VPS13B: variants seen among roughly 807,000 people sequenced by gnomAD.
VPS13B encodes the protein intermembrane lipid transfer protein VPS13B.
Under a neutral mutation model 426.4 loss-of-function variants are expected in VPS13B, and 285 were observed. The ratio of observed to expected loss-of-function variants is 0.67; its 90% CI spans 0.61 to 0.74. The LOEUF (loss-of-function observed/expected upper bound fraction) is 0.74. Among genes scored for constraint, VPS13B ranks in the 30% least tolerant of loss-of-function variants. The probability of loss-of-function intolerance (pLI) is 0.00; values close to 1 mark genes in which losing one functional copy is unlikely to be tolerated. For missense variants in VPS13B, 4,537 were observed against 4,782.6 expected (o/e 0.95, Z 1.51); for synonymous variants, 1,676 against 1,676.4 (o/e 1.00, Z 0.01).
intron 58 of VPS13B, among the ~76,000 whole-genome samples, chr8:99,863,266 A>G (rs1816922795): frequency 6.6e-6 from 1 of 152,216 alleles, no homozygotes; most frequent in Admixed American, 6.5e-5. Flanking sequence ...CTGGTTTCCA[A>G]GAGTGCCTCA....
chr8:99,657,085 A>G (rs1830045262), intron 34 of VPS13B, among the ~76,000 whole-genome samples: 1 of 152,130 alleles, frequency 6.6e-6, no homozygotes, highest in African/African-American at 2.4e-5. Flanking sequence ...TTTAATTTCT[A>G]ACTTCTCCTG....
intron 21 of VPS13B, among the ~76,000 whole-genome samples, chr8:99,413,658 T>C (rs1468160902): frequency 1.3e-5 from 2 of 152,172 alleles, no homozygotes; most frequent in African/African-American, 4.8e-5. Context: ...TTCAAAGAAC[T>C]TATTTATTTC....
intron 19 of VPS13B, among the ~76,000 whole-genome samples, chr8:99,296,049 G>C (rs1026685360): frequency 6.6e-6 from 1 of 151,938 alleles, no homozygotes; most frequent in African/African-American, 2.4e-5. Flanking sequence ...ACAAAAGGAA[G>C]TATAGTTCCT....
chr8:99,803,715 A>G (rs749043616), intron 43 of VPS13B, among the ~76,000 whole-genome samples: 13 of 152,224 alleles, frequency 8.5e-5, no homozygotes, highest in Non-Finnish European at 1.9e-4. Context: ...AAATTCCTTG[A>G]AAAAGCAATA....
chr8:99,137,944 A>G (rs1271264090), intron 12 of VPS13B, among the ~76,000 whole-genome samples: 1 of 151,978 alleles, frequency 6.6e-6, no homozygotes, highest in Non-Finnish European at 1.5e-5. Context: ...CTGCTTCTTT[A>G]TTTTTAGGCT....
intron 51 of VPS13B, among the ~76,000 whole-genome samples, chr8:99,826,253 T>C (rs1037433206): frequency 6.6e-6 from 1 of 152,204 alleles, no homozygotes; most frequent in Non-Finnish European, 1.5e-5. Flanking sequence ...CCTTGAGCAG[T>C]GGTACATAGT....
At chr8:99,631,281 T>A (rs1828835904) in intron 33 of VPS13B, among the ~76,000 whole-genome samples, 1 of 152,106 alleles carries the variant, frequency 6.6e-6, no homozygotes. Context: ...CTTAGCCCCA[T>A]TTCTCTGATT....
intron 58 of VPS13B, among the ~76,000 whole-genome samples, chr8:99,864,884 G>A (rs1190946272): frequency 6.6e-6 from 1 of 152,178 alleles, no homozygotes; most frequent in East Asian, 1.9e-4. Context: ...GAAACAATCA[G>A]GATGTGGGGA....
chr8:99,066,110 G>A (rs1292732007), intron 3 of VPS13B, among the ~76,000 whole-genome samples: 1 of 152,172 alleles, frequency 6.6e-6, no homozygotes, highest in Non-Finnish European at 1.5e-5. Context: ...CCATCCCCAT[G>A]AAGCTACCAA....
intron 16 of VPS13B, among the ~76,000 whole-genome samples, chr8:99,190,084 T>C (rs1813470203): frequency 6.6e-6 from 1 of 152,158 alleles, no homozygotes. Context: ...CAGTTCTGTA[T>C]TTTAAAAAAT....
chr8:99,060,489 A>T (rs1489522844), intron 3 of VPS13B, among the ~76,000 whole-genome samples: 1 of 151,928 alleles, frequency 6.6e-6, no homozygotes, highest in Non-Finnish European at 1.5e-5. Context: ...GGCACCTGTA[A>T]TCCCAGCCAC....
chr8:99,702,693 C>T (rs546663797), intron 36 of VPS13B, among the ~76,000 whole-genome samples: 2 of 152,036 alleles, frequency 1.3e-5, no homozygotes, highest in African/African-American at 4.8e-5. Context: ...AAACACTGTG[C>T]AAAAACATCA....
chr8:99,121,269 G>C lies in VPS13B; in HGVS notation c.1030G>C (p.Gly344Arg). The change falls in exon 8 of 62, where the codon GGA becomes CGA. Residue 344 changes from glycine (G) to arginine (R), a missense_variant. Gly to Arg is a moderately radical substitution (Grantham distance 125). Coordinates refer to ENST00000357162, the MANE Select transcript of VPS13B (RefSeq NM_152564.5). The stretch of plus-strand genomic sequence containing the variant: ...ACAGCAAGATGAGGAGCAGCCACAG[G>C]GATGGGTGTCATGGGCCTGGTCCTT... ...YSQQDEEQPQ[G>R]WVSWAWSFVP... is the part of the protein sequence containing the mutation. The C allele has an allele frequency of 6.2e-7, 1 of 1,614,138 alleles. No individual in the cohort carries two copies. Among genetic ancestry groups the C allele is most frequent in the Non-Finnish European group, 8.5e-7 (1 of 1,180,028 alleles).
intron 30 of VPS13B, among the ~76,000 whole-genome samples, chr8:99,530,119 GT>G (rs1822852200): frequency 6.6e-6 from 1 of 152,010 alleles, no homozygotes; most frequent in South Asian, 2.1e-4. Context: ...CTTTAAAAAT[GT>G]TTTTTCTTTG....
chr8:99,166,667 G>A (rs1451989269), intron 15 of VPS13B, among the ~76,000 whole-genome samples: 1 of 152,142 alleles, frequency 6.6e-6, no homozygotes, highest in African/African-American at 2.4e-5. Context: ...TTTCAGTGCA[G>A]ACTCTATTAC....
intron 17 of VPS13B, among the ~76,000 whole-genome samples, chr8:99,202,893 G>A (rs1814428043): frequency 6.6e-6 from 1 of 152,014 alleles, no homozygotes; most frequent in Non-Finnish European, 1.5e-5. Context: ...AATTAACTGG[G>A]CGTGGTGGTG....
At chr8:99,053,930 C>T (rs1843698092) in intron 3 of VPS13B, among the ~76,000 whole-genome samples, 1 of 152,214 alleles carries the variant, frequency 6.6e-6, no homozygotes, top group East Asian at 1.9e-4. Flanking sequence ...TCTCAAACTC[C>T]TGGCCTCAGG....
chr8:99,818,820 A>G lies in VPS13B; in HGVS notation c.8553A>G (p.Gly2851=). 1 of 1,614,112 alleles carries G rather than the reference A, an allele frequency of 6.2e-7. No homozygotes were observed. The highest frequency in any genetic ancestry group is 1.1e-5 in the South Asian group (1 of 91,080). ...LGLSETQIIP[G]KGQEKPLQNI... Reference sequence around the variant, plus strand: ...TGAGTGAAACACAAATTATTCCAGGAAAAGGGCAGGAAAAACCACTGCAAA... The same window carrying G: ...TGAGTGAAACACAAATTATTCCAGGGAAAGGGCAGGAAAAACCACTGCAAA... Residue 2851 remains glycine, a synonymous_variant, in exon 47 of 62, where the codon GGA becomes GGG. Transcript: ENST00000357162.
intron 7 of VPS13B, among the ~76,000 whole-genome samples, chr8:99,117,972 T>G (rs549027109): frequency 5.3e-5 from 8 of 152,204 alleles, no homozygotes; most frequent in Admixed American, 3.9e-4. Context: ...TACCTTAAAA[T>G]AAAGCATAGA....
Sources: allele counts gnomAD v4.1 joint callset (sites outside exome capture counted in the v4.1 genomes callset), GRCh38; gene constraint gnomAD v4.1.1; transcripts MANE v1.5; gene names NCBI Gene and HGNC (gene_info 2026-07-23, HGNC 2026-07-21).